Variants in RALGPS2 observed in about 807,000 individuals in gnomAD.
RALGPS2 encodes Ral GEF with PH domain and SH3 binding motif 2, also known as ras-specific guanine nucleotide-releasing factor RalGPS2.
In RALGPS2, 43 loss-of-function variants were observed where a neutral mutation model predicts 86.8. The ratio of observed to expected loss-of-function variants is 0.50; its 90% CI spans 0.39 to 0.64. RALGPS2 has a LOEUF of 0.64. Ranked by LOEUF, RALGPS2 falls within the 30% of genes least tolerant of loss-of-function variation. The pLI is 0.00. For synonymous variants in RALGPS2, 243 were observed against 231.3 expected (o/e 1.05, Z -0.46); for missense variants, 536 against 694.6 (o/e 0.77, Z 2.57).
rs114819393 is a variant in RALGPS2, at chr1:178,882,238, G to A, written c.837-1228G>A. 3.8e-3 allele frequency among the ~76,000 whole-genome samples: 578 copies of A among 152,178 alleles called. 5 individuals carry two copies. Among genetic ancestry groups the A allele is most frequent in the African/African-American group, 0.013 (558 of 41,516 alleles). ...CTCCCTTTCTGTTCCTTTCTATTTT[G>A]GTGCCATTGGGAAATGGTAGTTATT... On this transcript the variant is annotated intron_variant, in intron 10 of 19. Transcript: ENST00000367635.
intron 4 of RALGPS2, among the ~76,000 whole-genome samples, chr1:178,799,704 G>T (rs371351603): frequency 1.3e-5 from 2 of 152,096 alleles, no homozygotes; most frequent in African/African-American, 2.4e-5. Flanking sequence ...TGAGCAATGC[G>T]CCTGGCCACC....
chr1:178,856,202 G>GAGATATATATATAT (rs1428022812), intron 8 of RALGPS2, among the ~76,000 whole-genome samples: 14 of 83,900 alleles, frequency 1.7e-4, no homozygotes, highest in African/African-American at 7.7e-4. Context: ...GAGAGAGAGA[G>GAGATATATATATAT]ATATATATAT....
At chr1:178,796,020 C>T (rs1426130772) in intron 4 of RALGPS2, among the ~76,000 whole-genome samples, 2 of 152,074 alleles carry the variant, frequency 1.3e-5, no homozygotes, top group African/African-American at 2.4e-5. Flanking sequence ...GTGTTAGAAG[C>T]GAGTTGCCGC....
chr1:178,865,523 A>C, intron 8 of RALGPS2: 9 of 1,614,092 alleles, frequency 5.6e-6, no homozygotes, highest in Non-Finnish European at 7.6e-6. Flanking sequence ...CAGGTTTTCA[A>C]GGTCCATCCT....
At chr1:178,731,289 T>G (rs1486677260) in intron 1 of RALGPS2, among the ~76,000 whole-genome samples, 12 of 123,796 alleles carry the variant, frequency 9.7e-5, no homozygotes, top group Non-Finnish European at 1.5e-4. Context: ...TTTTTTTTTT[T>G]TTTTTTTTTT....
chr1:178,823,433 A>G (rs1655603360), intron 7 of RALGPS2, among the ~76,000 whole-genome samples: 1 of 150,486 alleles, frequency 6.6e-6, no homozygotes, highest in African/African-American at 2.5e-5. Flanking sequence ...AATGACATAA[A>G]TAGCAATAAA....
chr1:178,750,756 A>G (rs1651606763), intron 1 of RALGPS2, among the ~76,000 whole-genome samples: 1 of 152,200 alleles, frequency 6.6e-6, no homozygotes, highest in Non-Finnish European at 1.5e-5. Flanking sequence ...AATTCGTCAA[A>G]TGTCCGCATA....
chr1:178,740,536 G>C (rs1260991271), intron 1 of RALGPS2, among the ~76,000 whole-genome samples: 3 of 152,146 alleles, frequency 2.0e-5, no homozygotes, highest in African/African-American at 4.8e-5. Context: ...AAGTTTAAGG[G>C]AATGGAAAGT....
chr1:178,800,134 A>C (rs1164184038), intron 4 of RALGPS2, among the ~76,000 whole-genome samples: 2 of 152,208 alleles, frequency 1.3e-5, no homozygotes, highest in Non-Finnish European at 2.9e-5. Flanking sequence ...ATGATGAGGA[A>C]GAAGATGTAG....
At chr1:178,827,910 C>T (rs1655829177) in intron 7 of RALGPS2, among the ~76,000 whole-genome samples, 1 of 152,154 alleles carries the variant, frequency 6.6e-6, no homozygotes, top group Admixed American at 6.5e-5. Context: ...TGGATGTCCG[C>T]ATGCAAAAGA....
At chr1:178,911,549 A>C (rs928076791) in intron 19 of RALGPS2, among the ~76,000 whole-genome samples, 1 of 152,156 alleles carries the variant, frequency 6.6e-6, no homozygotes, top group African/African-American at 2.4e-5. Context: ...ATTGATTTCT[A>C]GTTTTATTGT....
intron 1 of RALGPS2, among the ~76,000 whole-genome samples, chr1:178,750,256 A>G (rs1366095872): frequency 6.6e-6 from 1 of 152,218 alleles, no homozygotes; most frequent in Non-Finnish European, 1.5e-5. Context: ...TGTTGCAGCT[A>G]TTCAGTTCTG....
intron 1 of RALGPS2, among the ~76,000 whole-genome samples, chr1:178,727,132 A>ATT (rs1650063435): frequency 6.6e-6 from 1 of 152,208 alleles, no homozygotes; most frequent in African/African-American, 2.4e-5. Flanking sequence ...GGGATAAACA[A>ATT]TTTCAGTGTA....
chr1:178,776,184 A>G (rs534616229), intron 1 of RALGPS2, among the ~76,000 whole-genome samples: 8 of 152,182 alleles, frequency 5.3e-5, no homozygotes, highest in Non-Finnish European at 1.0e-4. Context: ...CCCCATGGAT[A>G]CTGAGAGATG....
At chr1:178,752,430 G>A (rs1289495188) in intron 1 of RALGPS2, among the ~76,000 whole-genome samples, 1 of 151,774 alleles carries the variant, frequency 6.6e-6, no homozygotes, top group Non-Finnish European at 1.5e-5. Context: ...TCCCAAAGTG[G>A]TGAGATACAG....
intron 19 of RALGPS2, among the ~76,000 whole-genome samples, chr1:178,910,475 T>C (rs1012224793): frequency 1.3e-5 from 2 of 152,226 alleles, no homozygotes; most frequent in Non-Finnish European, 2.9e-5. Flanking sequence ...CATGAAAGGA[T>C]GTTGAATTTT....
At chr1:178,867,259 GATT>G (rs2102341867) in intron 8 of RALGPS2, among the ~76,000 whole-genome samples, 1 of 152,194 alleles carries the variant, frequency 6.6e-6, no homozygotes, top group African/African-American at 2.4e-5. Flanking sequence ...CTATGAAGTA[GATT>G]ATTATGATCC....
rs144875625 is a variant in RALGPS2, at chr1:178,850,903, CATA to C, written c.607+17356_607+17358del. ...GAAAACAAACTTTGTATTTAGTCAACATAATTTTTAAAATAACTAGGTTGTGGA... is the reference window on the plus strand; with the variant it reads ...GAAAACAAACTTTGTATTTAGTCAACATTTTTAAAATAACTAGGTTGTGGA... On this transcript the variant is annotated intron_variant, in intron 8 of 19. Transcript: ENST00000367635. The C allele has an allele frequency of 8.3e-3, 3,139 of 377,864 alleles. 94 individuals carry two copies. The highest frequency in any genetic ancestry group is 0.059 in the African/African-American group (2,851 of 48,088). 23.4% of individuals were successfully genotyped at this position (377,864 alleles called of 1,614,324 possible).
At chr1:178,874,148 C>G (rs1392846008) in intron 8 of RALGPS2, among the ~76,000 whole-genome samples, 2 of 152,024 alleles carry the variant, frequency 1.3e-5, no homozygotes, top group Non-Finnish European at 2.9e-5. Flanking sequence ...TCTTAAAGTT[C>G]AAGGTAATGG....
Sources: allele counts gnomAD v4.1 joint callset (sites outside exome capture counted in the v4.1 genomes callset), GRCh38; gene constraint gnomAD v4.1.1; transcripts MANE v1.5; gene names NCBI Gene and HGNC (gene_info 2026-07-23, HGNC 2026-07-21).